POLR1D: variants seen among roughly 807,000 people sequenced by gnomAD.
POLR1D encodes the protein DNA-directed RNA polymerases I and III subunit RPAC2.
In POLR1D, 8 loss-of-function variants were observed where a neutral mutation model predicts 10.8. The observed-to-expected ratio is 0.74, with a 90% CI of 0.43 to 1.33. POLR1D has a LOEUF of 1.33. Ranked by LOEUF, POLR1D falls within the 40% of genes most tolerant of loss-of-function variation. The pLI is 0.01. For synonymous variants in POLR1D, 54 were observed against 57.2 expected (o/e 0.94, Z 0.25); for missense variants, 152 against 161.7 (o/e 0.94, Z 0.32).
exon 3 of POLR1D, chr13:27,665,710 CAAT>C: frequency 6.2e-7 from 1 of 1,613,736 alleles, no homozygotes; most frequent in South Asian, 1.1e-5. Context: ...TTGCTAGCAC[CAAT>C]AAAAGATTTC....
chr13:27,662,054 C>T (rs1566154053), intron 2 of POLR1D, among the ~76,000 whole-genome samples: 1 of 152,072 alleles, frequency 6.6e-6, no homozygotes, highest in East Asian at 1.9e-4. Flanking sequence ...TGTAAAATGT[C>T]TCATTAACTT....
intron 1 of POLR1D, among the ~76,000 whole-genome samples, chr13:27,630,834 A>G (rs1593280064): frequency 6.6e-6 from 1 of 152,348 alleles, no homozygotes; most frequent in South Asian, 2.1e-4. Context: ...CATGTTATCC[A>G]TAGGAGCCCT....
rs1956246653 is a variant in POLR1D at position 27,649,288 on chromosome 13, C to A, written c.101+835C>A. 2.6e-5 allele frequency among the ~76,000 whole-genome samples: 4 copies of A among 152,136 alleles called. 1 individual carries two copies. In the South Asian group the frequency reaches 8.3e-4, roughly 32 times the overall value. ...GACATTTAGAACCATGCACATAGTTCACCTAAATTCCAAGACAAAAATTAA... is the reference window on the plus strand; with the variant it reads ...GACATTTAGAACCATGCACATAGTTAACCTAAATTCCAAGACAAAAATTAA... On this transcript the variant is annotated intron_variant, in intron 2 of 2. Coordinates refer to the POLR1D transcript ENST00000399697.
At chr13:27,633,518 C>T (rs1462002685) in intron 1 of POLR1D, among the ~76,000 whole-genome samples, 3 of 152,274 alleles carry the variant, frequency 2.0e-5, no homozygotes, top group Admixed American at 6.5e-5. Flanking sequence ...GGAAAATTGC[C>T]AGAAATCCTA....
chr13:27,628,786 T>C (rs1956043710), intron 1 of POLR1D, among the ~76,000 whole-genome samples: 1 of 152,148 alleles, frequency 6.6e-6, no homozygotes, highest in Non-Finnish European at 1.5e-5. Flanking sequence ...GGCTGATACA[T>C]GTATGTATAT....
At position 27,650,396 on chromosome 13, in the gene POLR1D, A is replaced by T. The variant is rs141283846; in HGVS notation, c.101+1943A>T. ...GATTGATGGATGGATGGATGGATGG[A>T]TGGATTACATGACTGATCTCAGTTT... On this transcript the variant is annotated intron_variant, in intron 2 of 2. Transcript: ENST00000399697. The T allele has an allele frequency of 1.8e-5, 4 of 226,294 alleles. No individual in the cohort carries two copies. The South Asian group carries it at 5.5e-4, about 31-fold the overall frequency. The allele number at this position is 226,294 out of a possible 1,614,324, so 14.0% of individuals were successfully genotyped here.
chr13:27,650,821 AATG>A (rs1956262645), intron 2 of POLR1D: 2 of 152,330 alleles, frequency 1.3e-5, no homozygotes, highest in Admixed American at 1.3e-4. Flanking sequence ...GTAAGGTCAT[AATG>A]ATAATCATAA....
intron 2 of POLR1D, among the ~76,000 whole-genome samples, chr13:27,654,473 T>A (rs572029773): frequency 1.3e-5 from 2 of 152,306 alleles, no homozygotes; most frequent in South Asian, 4.1e-4. Flanking sequence ...AAGTTCACAG[T>A]TTGCCAAAAT....
At chr13:27,651,649 T>A (rs1956268320) in intron 2 of POLR1D, 1 of 152,082 alleles carries the variant, frequency 6.6e-6, no homozygotes, top group Non-Finnish European at 1.5e-5. Context: ...CTGAAAAAAA[T>A]GCTCAGCTTT....
chr13:27,660,752 T>G (rs950914814), intron 2 of POLR1D: 1 of 152,358 alleles, frequency 6.6e-6, no homozygotes, highest in Non-Finnish European at 1.5e-5. Context: ...AGTCTTTCTC[T>G]GCTCCACTCT....
At chr13:27,643,422 A>G (rs372276560) in intron 1 of POLR1D, among the ~76,000 whole-genome samples, 15 of 152,306 alleles carry the variant, frequency 9.8e-5, no homozygotes, top group African/African-American at 3.6e-4. Flanking sequence ...TTTTACTGAA[A>G]TTAAATAAGG....
At chr13:27,651,052 T>TA (rs1956264957) in intron 2 of POLR1D, 2 of 152,162 alleles carry the variant, frequency 1.3e-5, no homozygotes, top group Non-Finnish European at 2.9e-5. Flanking sequence ...TTTCAACACA[T>TA]TCATTAACCC....
At chr13:27,637,848 C>T (rs1302075884) in intron 1 of POLR1D, among the ~76,000 whole-genome samples, 1 of 151,768 alleles carries the variant, frequency 6.6e-6, no homozygotes, top group Non-Finnish European at 1.5e-5. Context: ...CCAGGCTGGC[C>T]TCAAACTTTT....
At chr13:27,666,739 A>G (rs1956422409) in exon 3 of POLR1D, 1 of 152,174 alleles carries the variant, frequency 6.6e-6, no homozygotes, top group South Asian at 2.1e-4. Flanking sequence ...TGTTCCAGAA[A>G]TCTTCATTTT....
rs970558985 is a variant in POLR1D, at chr13:27,649,925, ACTT to A, written c.101+1476_101+1478del. ...GGTCACAGTCCCCAAGACTATCCTT[ACTT>A]CTTATTACCAACCACAAGTTCAGAG... On this transcript the variant is annotated intron_variant, in intron 2 of 2. Transcript: ENST00000399697. The A allele has an allele frequency of 2.1e-3, 813 of 396,168 alleles. 3 individuals are homozygous for A. Among genetic ancestry groups the A allele is most frequent in the African/African-American group, 0.014 (669 of 48,466 alleles). 24.5% of individuals were successfully genotyped at this position (396,168 alleles called of 1,614,324 possible).
At chr13:27,647,800 C>T (rs1956233538) in intron 1 of POLR1D, among the ~76,000 whole-genome samples, 1 of 152,086 alleles carries the variant, frequency 6.6e-6, no homozygotes, top group African/African-American at 2.4e-5. Flanking sequence ...ATATACTTTT[C>T]CATACTTATT....
In POLR1D at chr13:27,663,152, T is replaced by C. The variant is rs1318208495; in HGVS notation, c.102-2534T>C. Among the ~76,000 whole-genome samples the C allele has an allele frequency of 6.6e-6, 1 of 152,242 alleles. No individual in the cohort carries two copies. Among genetic ancestry groups the C allele is most frequent in the East Asian group, 1.9e-4 (1 of 5,202 alleles). On this transcript the variant is annotated intron_variant, in intron 2 of 2. Transcript: ENST00000399697. The surrounding 1 kb of genome is among the most constrained non-coding windows in gnomAD (Gnocchi z 4.1). ...TTCTGTGCAGATTTTGGAATTTCTT[T>C]ATATAAAATGATTTACTATATGTAC...
intron 1 of POLR1D, among the ~76,000 whole-genome samples, chr13:27,632,017 A>G (rs773135652): frequency 3.3e-5 from 5 of 152,186 alleles, no homozygotes; most frequent in Non-Finnish European, 7.3e-5. Context: ...GGCAGGAGTA[A>G]GCATCATAGA....
At chr13:27,635,809 G>T (rs1028238429) in intron 1 of POLR1D, among the ~76,000 whole-genome samples, 1 of 149,914 alleles carries the variant, frequency 6.7e-6, no homozygotes, top group East Asian at 2.0e-4. Context: ...CATTTTAATC[G>T]CATAGCTTTG....
Sources: gnomAD v4.1 joint callset for allele counts (sites outside exome capture counted in the v4.1 genomes callset) on GRCh38, gnomAD v4.1.1 for gene constraint, Gnocchi (gnomAD v3.1) non-coding constraint, MANE v1.5 for transcripts, NCBI Gene and HGNC (gene_info 2026-07-23, HGNC 2026-07-21) for gene names.